The following CCDC3 variants were observed in gnomAD, a reference collection of about 807,000 sequenced individuals.
CCDC3 encodes the protein coiled-coil domain containing 3.
Under a neutral mutation model 21.4 loss-of-function variants are expected in CCDC3, and 24 were observed. The observed-to-expected ratio is 1.12, with a 90% CI of 0.81 to 1.58. The LOEUF (loss-of-function observed/expected upper bound fraction) is 1.58. CCDC3 is among the 40% of genes most tolerant of loss of function. The pLI, the probability that CCDC3 is intolerant of heterozygous loss-of-function variation, is 0.00. For synonymous variants in CCDC3, 186 were observed against 166.0 expected (o/e 1.12, Z -0.93); for missense variants, 425 against 360.9 (o/e 1.18, Z -1.44).
intron 4 of CCDC3, among the ~76,000 whole-genome samples, chr10:13,051,100 G>C (rs1323796287): frequency 6.6e-6 from 1 of 152,132 alleles, no homozygotes; most frequent in Non-Finnish European, 1.5e-5. Context: ...ATCATCAGCA[G>C]ATTAGACAAA....
At chr10:13,042,515 C>A (rs1477664799) in intron 5 of CCDC3, among the ~76,000 whole-genome samples, 2 of 152,252 alleles carry the variant, frequency 1.3e-5, no homozygotes, top group African/African-American at 4.8e-5. Context: ...ATATTGTCAT[C>A]ATCTCCGAAT....
intron 2 of CCDC3, among the ~76,000 whole-genome samples, chr10:12,986,611 A>G (rs1041934226): frequency 1.3e-5 from 2 of 152,106 alleles, no homozygotes; most frequent in Non-Finnish European, 2.9e-5. Flanking sequence ...CATCTCCACT[A>G]AAAATACAAA....
At chr10:12,905,413 G>A (rs929930037) in intron 2 of CCDC3, among the ~76,000 whole-genome samples, 5 of 152,210 alleles carry the variant, frequency 3.3e-5, no homozygotes, top group African/African-American at 1.2e-4. Flanking sequence ...AACCTCAAGA[G>A]GGGCTCAAGG....
At chr10:13,016,139 T>C (rs1435388367) in intron 5 of CCDC3, among the ~76,000 whole-genome samples, 1 of 151,942 alleles carries the variant, frequency 6.6e-6, no homozygotes, top group Non-Finnish European at 1.5e-5. Flanking sequence ...AGAGCTTATC[T>C]GCTACTGTTT....
chr10:13,078,741 T>C (rs1267939430), intron 3 of CCDC3, among the ~76,000 whole-genome samples: 2 of 152,082 alleles, frequency 1.3e-5, no homozygotes, highest in Non-Finnish European at 2.9e-5. Flanking sequence ...ACCACCATTC[T>C]GAGCAAACCA....
At chr10:12,899,188 C>A (rs1834056821) in intron 2 of CCDC3, among the ~76,000 whole-genome samples, 1 of 152,158 alleles carries the variant, frequency 6.6e-6, no homozygotes, top group South Asian at 2.1e-4. Context: ...CTGGCCAGCA[C>A]ACAGAAGGTG....
intron 2 of CCDC3, among the ~76,000 whole-genome samples, chr10:12,993,106 C>A (rs1347610397): frequency 6.6e-6 from 1 of 152,176 alleles, no homozygotes; most frequent in Non-Finnish European, 1.5e-5. Context: ...TTTCAGGACC[C>A]CCTGGACGGG....
Position 13,064,647 on chromosome 10 carries a change from A to G in CCDC3, c.-270+9221T>C, listed in dbSNP as rs955856573. Among the ~76,000 whole-genome samples, 3 of 152,106 alleles carry G rather than the reference A, an allele frequency of 2.0e-5. No individual in the cohort carries two copies. The East Asian group carries it at 5.8e-4, about 29-fold the overall frequency. On this transcript the variant is annotated intron_variant, in intron 4 of 6. Coordinates refer to the CCDC3 transcript ENST00000378839. ...AAAAAATATAAAAAATTAGCCGGGT[A>G]TGGTGGTGGGTGCCTGTAGTCCTAG...
intron 5 of CCDC3, among the ~76,000 whole-genome samples, chr10:13,014,187 C>T (rs1361538637): frequency 6.6e-6 from 1 of 150,966 alleles, no homozygotes; most frequent in Non-Finnish European, 1.5e-5. Context: ...GGCGCAGTGG[C>T]TCATGCCTAT....
intron 2 of CCDC3, among the ~76,000 whole-genome samples, chr10:12,974,347 C>A (rs1835385180): frequency 6.6e-6 from 1 of 152,206 alleles, no homozygotes; most frequent in Non-Finnish European, 1.5e-5. Context: ...CTGGTGCAGG[C>A]CAGAGGTTTC....
intron 2 of CCDC3, among the ~76,000 whole-genome samples, chr10:12,958,694 G>A (rs948135999): frequency 6.6e-6 from 1 of 152,112 alleles, no homozygotes; most frequent in Non-Finnish European, 1.5e-5. Context: ...GCCAGAGCTG[G>A]GGGGCAGGGG....
Position 13,018,711 on chromosome 10 carries a change from A to T in CCDC3, c.-1-20199T>A, listed in dbSNP as rs1589041677. On this transcript the variant is annotated intron_variant, in intron 5 of 6. Transcript: ENST00000378839. ...TTTGGGAGGCCAAGATGGGAAGACC[A>T]CCTGAGTTCAGGAGTTCGAGACCAG... 1.3e-5 allele frequency among the ~76,000 whole-genome samples: 2 copies of T among 151,544 alleles called. 1 individual carries two copies. Among genetic ancestry groups the T allele is most frequent in the Non-Finnish European group, 2.9e-5 (2 of 67,838 alleles).
At chr10:12,984,871 T>G (rs1462521678) in intron 2 of CCDC3, among the ~76,000 whole-genome samples, 1 of 152,064 alleles carries the variant, frequency 6.6e-6, no homozygotes, top group South Asian at 2.1e-4. Flanking sequence ...GAGACAGAAA[T>G]AGACTAGCAA....
At chr10:13,025,573 T>A (rs1836203985) in intron 5 of CCDC3, among the ~76,000 whole-genome samples, 1 of 152,256 alleles carries the variant, frequency 6.6e-6, no homozygotes, top group African/African-American at 2.4e-5. Context: ...AAATCACTTT[T>A]ATAAATTTTC....
At chr10:12,990,922 G>T (rs1055720534) in intron 2 of CCDC3, among the ~76,000 whole-genome samples, 12 of 152,172 alleles carry the variant, frequency 7.9e-5, no homozygotes, top group African/African-American at 2.9e-4. Flanking sequence ...ACATTTTTAA[G>T]ATACTACCAC....
chr10:12,942,347 T>C (rs1834845315), intron 2 of CCDC3, among the ~76,000 whole-genome samples: 1 of 152,134 alleles, frequency 6.6e-6, no homozygotes, highest in African/African-American at 2.4e-5. Flanking sequence ...TAAAAAGAAA[T>C]TTAGGCAGTT....
intron 3 of CCDC3, among the ~76,000 whole-genome samples, chr10:13,087,792 T>TA (rs1478968969): frequency 6.6e-6 from 1 of 152,102 alleles, no homozygotes; most frequent in Non-Finnish European, 1.5e-5. Context: ...CTTTCCTATG[T>TA]ACTCTGCAAT....
At chr10:13,093,283 A>G (rs61851416) in intron 3 of CCDC3, among the ~76,000 whole-genome samples, 9,593 of 152,256 alleles carry the variant, frequency 0.063, 394 homozygotes, top group Middle Eastern at 0.13. Context: ...ATGAGAACCA[A>G]GTGAAAGGGG....
chr10:13,073,406 G>A (rs774486599), intron 4 of CCDC3, among the ~76,000 whole-genome samples: 7 of 152,092 alleles, frequency 4.6e-5, no homozygotes, highest in Non-Finnish European at 1.0e-4. Context: ...CTAAACTCAG[G>A]TGTCATTACT....
Sources: allele counts gnomAD v4.1 joint callset (sites outside exome capture counted in the v4.1 genomes callset), GRCh38; gene constraint gnomAD v4.1.1; transcripts MANE v1.5; gene names NCBI Gene and HGNC (gene_info 2026-07-23, HGNC 2026-07-21).